The following ADAM32 variants were observed in gnomAD, a reference collection of about 807,000 sequenced individuals.
ADAM32 encodes disintegrin and metalloproteinase domain-containing protein 32.
In ADAM32, 89 loss-of-function variants were observed where a neutral mutation model predicts 114.9. The ratio of observed to expected loss-of-function variants is 0.77; its 90% CI spans 0.65 to 0.92. The LOEUF (loss-of-function observed/expected upper bound fraction) is 0.92. Among genes scored for constraint, ADAM32 ranks in the 40% least tolerant of loss-of-function variants. The pLI is 0.00. For synonymous variants in ADAM32, 285 were observed against 307.5 expected, an observed-to-expected ratio of 0.93 and a Z score of 0.77; for missense variants, 870 against 932.8, an observed-to-expected ratio of 0.93 and a Z score of 0.88.
intron 5 of ADAM32, among the ~76,000 whole-genome samples, chr8:39,150,599 A>T (rs1003493666): frequency 6.6e-6 from 1 of 152,128 alleles, no homozygotes; most frequent in Admixed American, 6.5e-5. Context: ...GGAGTTTTCC[A>T]TTCTGTCAGG....
intron 16 of ADAM32, among the ~76,000 whole-genome samples, chr8:39,243,009 A>G (rs866999541): frequency 5.9e-5 from 9 of 152,186 alleles, no homozygotes; most frequent in Non-Finnish European, 1.2e-4. Flanking sequence ...GAACACCTTT[A>G]TGAACACAAA....
chr8:39,220,069 G>T (rs1177573734), intron 12 of ADAM32, among the ~76,000 whole-genome samples: 1 of 152,088 alleles, frequency 6.6e-6, no homozygotes, highest in Non-Finnish European at 1.5e-5. Flanking sequence ...CACTATTATT[G>T]TGTGACTAAG....
At chr8:39,135,242 A>G (rs1802725242) in intron 2 of ADAM32, among the ~76,000 whole-genome samples, 1 of 152,246 alleles carries the variant, frequency 6.6e-6, no homozygotes, top group Non-Finnish European at 1.5e-5. Context: ...CTAAGGAGCT[A>G]GTGTCACCAA....
chr8:39,164,753 C>G lies in ADAM32; in HGVS notation c.595-11C>G. ...TTTGTACTTAAATATAAAATTAATT[C>G]TGTTTTTCAGTATGATTACTGGGGC... is the stretch of plus-strand genomic sequence containing the variant. On this transcript the variant is annotated splice_polypyrimidine_tract_variant and intron_variant, in intron 7 of 24. Transcript: ENST00000379907. The G allele has an allele frequency of 6.4e-7, 1 of 1,553,370 alleles. No homozygotes were observed. The highest frequency in any genetic ancestry group is 2.3e-5 in the East Asian group (1 of 43,752).
intron 14 of ADAM32, among the ~76,000 whole-genome samples, chr8:39,229,173 T>G (rs922202130): frequency 1.3e-5 from 2 of 152,164 alleles, no homozygotes; most frequent in Non-Finnish European, 2.9e-5. Context: ...CAAGAACTGC[T>G]AAAAGGAGCT....
Position 39,165,016 on chromosome 8 carries a change from TC to T in ADAM32, c.667-13del. The T allele has an allele frequency of 6.3e-7, 1 of 1,575,972 alleles. No individual in the cohort carries two copies. Among genetic ancestry groups the T allele is most frequent in the Non-Finnish European group, 8.6e-7 (1 of 1,161,234 alleles). On this transcript the variant is annotated splice_polypyrimidine_tract_variant and intron_variant, in intron 8 of 24. Transcript: ENST00000379907. ...AATATTAATTATGCATGTATTTATC[TC>T]TTCTGTTTTTAGATGTTCACCCAAT... is the stretch of plus-strand genomic sequence containing the variant.
chr8:39,174,477 T>A (rs1354699335), intron 10 of ADAM32, among the ~76,000 whole-genome samples: 1 of 147,906 alleles, frequency 6.8e-6, no homozygotes, highest in Non-Finnish European at 1.5e-5. Context: ...ATTTTTTTTT[T>A]GCCTCAGTTT....
chr8:39,208,830 T>G (rs1369765528), intron 11 of ADAM32, among the ~76,000 whole-genome samples: 1 of 152,196 alleles, frequency 6.6e-6, no homozygotes, highest in Non-Finnish European at 1.5e-5. Context: ...TCTATTGTCT[T>G]TGACCTATGA....
chr8:39,133,982 C>T (rs148471264), intron 2 of ADAM32, among the ~76,000 whole-genome samples: 4 of 152,248 alleles, frequency 2.6e-5, no homozygotes, highest in East Asian at 3.9e-4. Flanking sequence ...GGAGTGCATG[C>T]TTCATCTCCC....
intron 10 of ADAM32, among the ~76,000 whole-genome samples, chr8:39,173,503 C>T (rs149655636): frequency 0.027 from 4,041 of 151,622 alleles, 204 homozygotes; most frequent in African/African-American, 0.092. Context: ...GTCCTTTGTC[C>T]ACTTTTTAAT....
intron 6 of ADAM32, among the ~76,000 whole-genome samples, chr8:39,157,336 C>T (rs1361595745): frequency 1.3e-5 from 2 of 151,880 alleles, no homozygotes; most frequent in Non-Finnish European, 2.9e-5. Context: ...TATATTTCAT[C>T]AAACTGGGGA....
chr8:39,109,343 T>C (rs150758409), intron 1 of ADAM32, among the ~76,000 whole-genome samples: 5,102 of 151,958 alleles, frequency 0.034, 292 homozygotes, highest in African/African-American at 0.12. Context: ...GTCAGGAGTT[T>C]GAAATCAGCC....
intron 11 of ADAM32, among the ~76,000 whole-genome samples, chr8:39,207,449 A>T (rs1258814091): frequency 1.3e-5 from 2 of 152,230 alleles, no homozygotes; most frequent in Non-Finnish European, 2.9e-5. Flanking sequence ...TTTTACGTGT[A>T]TATGGGGGTA....
intron 2 of ADAM32, among the ~76,000 whole-genome samples, chr8:39,122,826 C>T (rs751054303): frequency 6.6e-6 from 1 of 152,220 alleles, no homozygotes; most frequent in African/African-American, 2.4e-5. Flanking sequence ...ACCTTGGCCT[C>T]CCAAAGTGTT....
At chr8:39,190,171 T>C (rs751794520) in intron 11 of ADAM32, among the ~76,000 whole-genome samples, 5 of 152,256 alleles carry the variant, frequency 3.3e-5, no homozygotes, top group Non-Finnish European at 7.3e-5. Context: ...CTGGCTTTTT[T>C]CACTTAACAT....
At chr8:39,187,534 G>C (rs1200767738) in intron 11 of ADAM32, among the ~76,000 whole-genome samples, 1 of 152,178 alleles carries the variant, frequency 6.6e-6, no homozygotes, top group African/African-American at 2.4e-5. Context: ...GCCTCCCAAA[G>C]TGCTGGGATT....
intron 12 of ADAM32, among the ~76,000 whole-genome samples, chr8:39,219,856 G>A (rs1220018359): frequency 2.0e-5 from 3 of 152,150 alleles, no homozygotes; most frequent in Non-Finnish European, 4.4e-5. Context: ...TTGGTTTATG[G>A]TTGAGCATGT....
chr8:39,254,222 G>C (rs1380009382), intron 17 of ADAM32, among the ~76,000 whole-genome samples, 192 bp from the exon 18 acceptor site: 1 of 136,986 alleles, frequency 7.3e-6, no homozygotes, highest in Non-Finnish European at 1.6e-5. Context: ...TCACTTTATA[G>C]TTCTTTTTTT....
chr8:39,112,637 A>G (rs1409097019), intron 1 of ADAM32, among the ~76,000 whole-genome samples: 1 of 151,876 alleles, frequency 6.6e-6, no homozygotes, highest in African/African-American at 2.4e-5. Context: ...ATAAATACTG[A>G]TATTACATCA....
Sources: gnomAD v4.1 joint callset for allele counts (sites outside exome capture counted in the v4.1 genomes callset) on GRCh38, gnomAD v4.1.1 for gene constraint, MANE v1.5 for transcripts, NCBI Gene and HGNC (gene_info 2026-07-23, HGNC 2026-07-21) for gene names.